FRA10AC1: variants seen among roughly 807,000 people sequenced by gnomAD.
The protein encoded by FRA10AC1 is protein FRA10AC1.
A neutral mutation model predicts 56.5 loss-of-function variants in FRA10AC1; 43 were observed. The observed-to-expected ratio is 0.76, with a 90% CI of 0.60 to 0.98. FRA10AC1 has a LOEUF of 0.98. Ranked by LOEUF, FRA10AC1 falls within the 50% of genes least tolerant of loss-of-function variation. FRA10AC1 has a pLI of 0.00. For missense variants in FRA10AC1, 346 were observed against 351.8 expected, an observed-to-expected ratio of 0.98 and a Z score of 0.13; for synonymous variants, 112 against 110.5, an observed-to-expected ratio of 1.01 and a Z score of -0.09.
chr10:93,696,955 C>T (rs890681936), intron 4 of FRA10AC1, among the ~76,000 whole-genome samples: 2 of 151,864 alleles, frequency 1.3e-5, no homozygotes, highest in South Asian at 2.1e-4. Context: ...AGCCGGTGGG[C>T]GGGGAAGGGT....
chr10:93,692,773 G>T, intron 5 of FRA10AC1, 44 bp from the exon 6 acceptor site: 1 of 1,321,676 alleles, frequency 7.6e-7, no homozygotes, highest in Non-Finnish European at 1.0e-6. Flanking sequence ...AACAAAAGTA[G>T]TCAAATTTAG....
Position 93,681,475 on chromosome 10 carries a change from T to C in FRA10AC1, c.787+5A>G. The C allele has an allele frequency of 6.5e-7, 1 of 1,536,406 alleles. No individual in the cohort carries two copies. The highest frequency in any genetic ancestry group is 1.4e-5 in the African/African-American group (1 of 71,064). On this transcript the variant is annotated splice_donor_5th_base_variant and intron_variant, in intron 11 of 13. Coordinates refer to ENST00000359204, the MANE Select transcript of FRA10AC1 (RefSeq NM_145246.5). ...AGTAGATGCCTTATCTTAATTTCCT[T>C]TTACCTTTATCTTTTTTCTTGGAGG...
intron 3 of FRA10AC1, 38 bp from the exon 4 acceptor site, chr10:93,698,219 T>A: frequency 5.9e-6 from 9 of 1,519,220 alleles, no homozygotes; most frequent in Non-Finnish European, 8.1e-6. Context: ...TTCAAAATGT[T>A]TATATTCAAA....
At chr10:93,691,395 T>C (rs1221798770) in intron 7 of FRA10AC1, among the ~76,000 whole-genome samples, 1 of 152,128 alleles carries the variant, frequency 6.6e-6, no homozygotes, top group Non-Finnish European at 1.5e-5. Context: ...CAGGCTGGTC[T>C]TGAACTCCTG....
At chr10:93,680,654 CA>C (rs1421160956) in intron 11 of FRA10AC1, among the ~76,000 whole-genome samples, 3 of 152,174 alleles carry the variant, frequency 2.0e-5, no homozygotes, top group Non-Finnish European at 2.9e-5. Context: ...GAATCTAATT[CA>C]ATTACCTATC....
chr10:93,700,616 T>G (rs1998840), intron 1 of FRA10AC1, among the ~76,000 whole-genome samples: 23,653 of 152,210 alleles, frequency 0.16, 2,259 homozygotes, highest in African/African-American at 0.25. Context: ...TGTACTTGAT[T>G]CCTGCGCCCA....
At chr10:93,684,688 AG>A (rs1324255517) in intron 9 of FRA10AC1, among the ~76,000 whole-genome samples, 1 of 152,150 alleles carries the variant, frequency 6.6e-6, no homozygotes, top group African/African-American at 2.4e-5. Context: ...AGAAGGCTAG[AG>A]GAACAGCTGA....
chr10:93,672,476 T>C (rs965970961), intron 12 of FRA10AC1: 1 of 154,634 alleles, frequency 6.5e-6, no homozygotes, highest in African/African-American at 2.4e-5. Flanking sequence ...TAATATGAGA[T>C]AAAGAAAGCA....
Position 93,702,589 on chromosome 10 carries a change from T to G in FRA10AC1, c.-215A>C, listed in dbSNP as rs1031102530. 9.0e-6 allele frequency: 2 copies of G among 222,422 alleles called. No homozygotes were observed. Among genetic ancestry groups the G allele is most frequent in the Admixed American group, 6.0e-5 (1 of 16,746 alleles). 13.8% of individuals were successfully genotyped at this position (222,422 alleles called of 1,614,324 possible). A position where few individuals can be genotyped will look rare whatever the true frequency, so the allele number is the denominator to read the frequency against. The stretch of plus-strand genomic sequence containing the variant: ...CCTACGGGTCCCGACTGGGCACCAC[T>G]TCCGGTCCGACACGGCCACGTGTTA... On this transcript the variant is annotated 5_prime_UTR_variant, in exon 1 of 14. Transcript: ENST00000359204.
intron 11 of FRA10AC1, among the ~76,000 whole-genome samples, chr10:93,677,064 C>G (rs1695635882): frequency 6.6e-6 from 1 of 152,094 alleles, no homozygotes; most frequent in Non-Finnish European, 1.5e-5. Context: ...CAAATAAATA[C>G]TTGCTTTTTA....
chr10:93,680,764 T>C (rs2058920848), intron 11 of FRA10AC1, among the ~76,000 whole-genome samples: 1 of 152,210 alleles, frequency 6.6e-6, no homozygotes, highest in Non-Finnish European at 1.5e-5. Context: ...AGCTAATATG[T>C]GCCAAGTACT....
At chr10:93,675,000 A>G (rs2058819786) in intron 12 of FRA10AC1, 1 of 152,160 alleles carries the variant, frequency 6.6e-6, no homozygotes, top group Non-Finnish European at 1.5e-5. Flanking sequence ...TATTTTCGAA[A>G]CTGTCACTAC....
intron 11 of FRA10AC1, 71 bp downstream of exon 11, chr10:93,681,409 G>T: frequency 1.0e-6 from 1 of 992,286 alleles, no homozygotes; most frequent in South Asian, 1.6e-5. Context: ...CCAATTAGAT[G>T]AATGAAATAT....
At chr10:93,676,068 A>G (rs2058835021) in intron 12 of FRA10AC1, among the ~76,000 whole-genome samples, 1 of 152,236 alleles carries the variant, frequency 6.6e-6, no homozygotes, top group Non-Finnish European at 1.5e-5. Context: ...GAACACTGAC[A>G]AATCTGTGAT....
At position 93,700,201 on chromosome 10, in the gene FRA10AC1, T is replaced by A. The variant is rs988114993; in HGVS notation, c.1-95A>T. The A allele has an allele frequency of 8.1e-6, 6 of 738,688 alleles. No homozygotes were observed. The Admixed American group carries it at 1.2e-4, about 15-fold the overall frequency. 45.8% of individuals were successfully genotyped at this position (738,688 alleles called of 1,614,324 possible). On this transcript the variant is annotated intron_variant, in intron 1 of 13. Transcript: ENST00000359204. ...AATAAGTTATCTTAAACAGCCACAA[T>A]AGTTTTAAAGGATCATTGTGGGCAG...
intron 5 of FRA10AC1, among the ~76,000 whole-genome samples, chr10:93,694,506 G>A (rs922986783): frequency 1.3e-5 from 2 of 151,914 alleles, no homozygotes; most frequent in African/African-American, 2.4e-5. Flanking sequence ...ACAAGGTCAC[G>A]AGTTCAAGAC....
chr10:93,690,287 T>C (rs2059104318), intron 7 of FRA10AC1, among the ~76,000 whole-genome samples: 1 of 152,298 alleles, frequency 6.6e-6, no homozygotes, highest in South Asian at 2.1e-4. Flanking sequence ...TCAGCATCCA[T>C]GGTCAGAATC....
At chr10:93,700,746 T>C (rs2059317695) in intron 1 of FRA10AC1, among the ~76,000 whole-genome samples, 1 of 152,244 alleles carries the variant, frequency 6.6e-6, no homozygotes, top group South Asian at 2.1e-4. Flanking sequence ...TCTTTTTCAA[T>C]ATATGTAGAG....
In FRA10AC1 at chr10:93,687,430, A is replaced by G. The variant is rs748532955; in HGVS notation, c.485T>C (p.Val162Ala). The G allele has an allele frequency of 1.3e-6, 2 of 1,519,508 alleles. No individual in the cohort carries two copies. The highest frequency in any genetic ancestry group is 1.2e-5 in the South Asian group (1 of 83,232). The allele number at this position is 1,519,508 out of a possible 1,614,324, so 94.1% of individuals were successfully genotyped here. A position where few individuals can be genotyped will look rare whatever the true frequency, so the allele number is the denominator to read the frequency against. ...KENKFGFRWR[V>A]EKEVISGKGQ... ...TTTTCCTGAAATTACTTCTTTTTCTACTCGCCACCTAAATCCAAACTGATA... is the reference window on the plus strand; with the variant it reads ...TTTTCCTGAAATTACTTCTTTTTCTGCTCGCCACCTAAATCCAAACTGATA... Residue 162 changes from valine (V) to alanine (A), a missense_variant, in exon 8 of 14, where the codon GTA becomes GCA. Coordinates refer to ENST00000359204, the MANE Select transcript of FRA10AC1 (RefSeq NM_145246.5).
Sources: gnomAD v4.1 joint callset for allele counts (sites outside exome capture counted in the v4.1 genomes callset) on GRCh38, gnomAD v4.1.1 for gene constraint, MANE v1.5 for transcripts, NCBI Gene and HGNC (gene_info 2026-07-23, HGNC 2026-07-21) for gene names.